Variants in KCNH5 observed in about 807,000 individuals in gnomAD.
The protein encoded by KCNH5 is potassium voltage-gated channel subfamily H member 5, also known as voltage-gated delayed rectifier potassium channel KCNH5.
A neutral mutation model predicts 96.1 loss-of-function variants in KCNH5; 46 were observed. That is an observed-to-expected ratio of 0.48 (90% CI 0.38 to 0.61). The LOEUF is 0.61. Among genes scored for constraint, KCNH5 ranks in the 20% least tolerant of loss-of-function variants. The probability of loss-of-function intolerance (pLI) is 0.00; values close to 1 mark genes in which losing one functional copy is unlikely to be tolerated. For synonymous variants in KCNH5, 439 were observed against 449.8 expected, an observed-to-expected ratio of 0.98 and a Z score of 0.30; for missense variants, 907 against 1,225.8, an observed-to-expected ratio of 0.74 and a Z score of 3.88.
chr14:62,931,277 C>T (rs184621893), intron 7 of KCNH5, among the ~76,000 whole-genome samples: 34 of 152,174 alleles, frequency 2.2e-4, no homozygotes, highest in Admixed American at 1.8e-3. Flanking sequence ...TAGCTTGAGA[C>T]AAATGGTAAA....
chr14:62,752,123 T>C (rs1193370576), intron 10 of KCNH5, among the ~76,000 whole-genome samples: 1 of 152,176 alleles, frequency 6.6e-6, no homozygotes, highest in Non-Finnish European at 1.5e-5. Flanking sequence ...CCTTTGATAG[T>C]TCCACTTTGG....
Position 63,011,763 on chromosome 14 carries a change from C to A in KCNH5, c.197+5068G>T, listed in dbSNP as rs112183428. Among the ~76,000 whole-genome samples, 213 of 152,248 alleles carry A rather than the reference C, an allele frequency of 1.4e-3. 1 individual carries two copies. The highest frequency in any genetic ancestry group is 5.0e-3 in the African/African-American group (208 of 41,546). The stretch of plus-strand genomic sequence containing the variant: ...ATCAGTCTCACCATGAGAAGCACAG[C>A]CCTCAGCCAAATGGAGCCGGACTGA... On this transcript the variant is annotated intron_variant, in intron 2 of 10. Transcript: ENST00000322893.
intron 1 of KCNH5, among the ~76,000 whole-genome samples, chr14:63,044,234 C>T (rs1891879639): frequency 6.6e-6 from 1 of 152,022 alleles, no homozygotes; most frequent in South Asian, 2.1e-4. Flanking sequence ...AAGTAGAAAA[C>T]GCAGATTTCA....
chr14:62,878,202 G>T (rs768032564), intron 7 of KCNH5, among the ~76,000 whole-genome samples: 3,358 of 49,348 alleles, frequency 0.068, 43 homozygotes, highest in East Asian at 0.26. Context: ...TTGTGGGGAT[G>T]GGGGGGGGGG....
At chr14:62,792,319 G>C (rs73273172) in intron 9 of KCNH5, among the ~76,000 whole-genome samples, 1 of 151,314 alleles carries the variant, frequency 6.6e-6, no homozygotes, top group Non-Finnish European at 1.5e-5. Context: ...GATTTAGCTC[G>C]TAGATTTTTT....
chr14:62,930,808 C>G (rs1365587533), intron 7 of KCNH5, among the ~76,000 whole-genome samples: 1 of 152,130 alleles, frequency 6.6e-6, no homozygotes, highest in Non-Finnish European at 1.5e-5. Context: ...CTGTCCACTT[C>G]TAGTCCAATG....
At chr14:62,711,470 T>C (rs115920239) in intron 10 of KCNH5, among the ~76,000 whole-genome samples, 197 of 152,288 alleles carry the variant, frequency 1.3e-3, no homozygotes, top group African/African-American at 4.5e-3. Flanking sequence ...ATTCTGAGTA[T>C]TGCACATTGT....
chr14:62,873,704 C>T (rs1239749465), intron 7 of KCNH5, among the ~76,000 whole-genome samples: 2 of 151,856 alleles, frequency 1.3e-5, no homozygotes, highest in Non-Finnish European at 2.9e-5. Flanking sequence ...TTATACATGC[C>T]CAAAAATCCT....
chr14:63,045,437 G>A lies in KCNH5; in HGVS notation c.-251C>T. 2 of 520,864 alleles carry A rather than the reference G, an allele frequency of 3.8e-6. No homozygotes were observed. Among genetic ancestry groups the A allele is most frequent in the Admixed American group, 3.2e-5 (1 of 31,582 alleles). 32.3% of individuals were successfully genotyped at this position (520,864 alleles called of 1,614,324 possible). ...CCGCTGCCCAGACTGTGGCGGTGCC[G>A]CACACGGGGCTCGGGAACTGCAGGC... On this transcript the variant is annotated 5_prime_UTR_variant, in exon 1 of 11. Coordinates refer to ENST00000322893, the MANE Select transcript of KCNH5 (RefSeq NM_139318.5).
At chr14:62,846,249 C>A (rs929579346) in intron 8 of KCNH5, among the ~76,000 whole-genome samples, 4 of 151,996 alleles carry the variant, frequency 2.6e-5, no homozygotes, top group Non-Finnish European at 4.4e-5. Flanking sequence ...GTCCTCAGAT[C>A]GTTTTTCTCC....
intron 1 of KCNH5, among the ~76,000 whole-genome samples, chr14:63,043,077 T>C (rs1891856250): frequency 6.6e-6 from 1 of 152,164 alleles, no homozygotes; most frequent in South Asian, 2.1e-4. Flanking sequence ...ACTCATTAAT[T>C]TGAGTGGTAG....
At chr14:62,833,380 A>G (rs899004938) in intron 8 of KCNH5, among the ~76,000 whole-genome samples, 3 of 152,138 alleles carry the variant, frequency 2.0e-5, no homozygotes, top group Admixed American at 2.0e-4. Context: ...TCCCAATACC[A>G]TTTATTTAAG....
chr14:62,928,036 T>G (rs1474707222), intron 7 of KCNH5, among the ~76,000 whole-genome samples: 2 of 152,086 alleles, frequency 1.3e-5, no homozygotes, highest in Non-Finnish European at 2.9e-5. Flanking sequence ...CTGCCAGCTA[T>G]GTTTGAAAAA....
intron 4 of KCNH5, 23 bp from the exon 5 acceptor site, chr14:62,987,210 C>A: frequency 6.5e-7 from 1 of 1,530,940 alleles, no homozygotes; most frequent in East Asian, 2.3e-5. Context: ...GAAAGAAAGT[C>A]TCAGTTTTTC....
chr14:63,001,744 C>G (rs1336747898), intron 3 of KCNH5, among the ~76,000 whole-genome samples: 2 of 152,210 alleles, frequency 1.3e-5, no homozygotes, highest in Non-Finnish European at 2.9e-5. Flanking sequence ...GGCAGTCTTG[C>G]TACTTAAGCA....
chr14:62,871,988 C>T (rs1888265214), intron 7 of KCNH5, among the ~76,000 whole-genome samples: 1 of 152,216 alleles, frequency 6.6e-6, no homozygotes, highest in South Asian at 2.1e-4. Context: ...ATCCTGTTAT[C>T]ATCTCTCTCA....
intron 8 of KCNH5, among the ~76,000 whole-genome samples, chr14:62,827,818 G>A (rs1483388799): frequency 6.6e-6 from 1 of 152,090 alleles, no homozygotes; most frequent in Non-Finnish European, 1.5e-5. Flanking sequence ...TTTCAGTGAT[G>A]CTTTCCTGAA....
At chr14:62,970,836 G>A (rs1156948263) in intron 6 of KCNH5, among the ~76,000 whole-genome samples, 1 of 150,810 alleles carries the variant, frequency 6.6e-6, no homozygotes, top group Non-Finnish European at 1.5e-5. Flanking sequence ...TACAAGTAGA[G>A]AGGAAATTCT....
chr14:62,847,870 T>G (rs1352280007), intron 8 of KCNH5, among the ~76,000 whole-genome samples: 2 of 152,240 alleles, frequency 1.3e-5, no homozygotes, highest in East Asian at 3.9e-4. Flanking sequence ...CCACATGGCA[T>G]GCACACTTTG....
Sources: allele counts gnomAD v4.1 joint callset (sites outside exome capture counted in the v4.1 genomes callset), GRCh38; gene constraint gnomAD v4.1.1; transcripts MANE v1.5; gene names NCBI Gene and HGNC (gene_info 2026-07-23, HGNC 2026-07-21).